The following CIAO3 variants were observed in gnomAD, a reference collection of about 807,000 sequenced individuals.
The protein encoded by CIAO3 is LET1 like/JFP15.
CIAO3 carries 45 observed loss-of-function variants against 51.5 expected under a neutral mutation model. That is an observed-to-expected ratio of 0.87 (90% CI 0.69 to 1.12). The LOEUF is 1.12. CIAO3 is among the 50% of genes most tolerant of loss of function. CIAO3 has a pLI of 0.00. For synonymous variants in CIAO3, 314 were observed against 269.3 expected (o/e 1.17, Z -1.63); for missense variants, 668 against 632.5 (o/e 1.06, Z -0.60).
intron 9 of CIAO3, 30 bp from the exon 10 acceptor site, chr16:731,030 T>TG: frequency 1.2e-6 from 2 of 1,610,182 alleles, no homozygotes; most frequent in Non-Finnish European, 1.7e-6. Flanking sequence ...TTTGTCTACA[T>TG]GGCACACCCA....
At chr16:740,755 G>A in intron 1 of CIAO3, 165 bp downstream of exon 1, 2 of 628,018 alleles carry the variant, frequency 3.2e-6, no homozygotes, top group Non-Finnish European at 5.3e-6. Context: ...GGGCCTCAGT[G>A]TCTGAGGCCC....
chr16:731,064 G>A (rs1053664584), intron 9 of CIAO3, 64 bp from the exon 10 acceptor site: 12 of 1,593,288 alleles, frequency 7.5e-6, no homozygotes, highest in Non-Finnish European at 1.0e-5. Flanking sequence ...TGCCTGGAAG[G>A]GGAGGCCTGC....
At chr16:731,128 G>T in intron 9 of CIAO3, 128 bp from the exon 10 acceptor site, 2 of 1,211,532 alleles carry the variant, frequency 1.7e-6, no homozygotes, top group Non-Finnish European at 2.3e-6. Flanking sequence ...TCTCTCCTGG[G>T]CAGAGGGAAG....
rs371339804 is a variant in CIAO3 at position 734,346 on chromosome 16, G to T, written c.576C>A (p.Gly192=). Residue 192 remains glycine, a splice_region_variant and synonymous_variant, in exon 6 of 11, where the codon GGC becomes GGA. Transcript: ENST00000251588. ...GAGTCTTCTCGGCATAGCAGATCCA[G>T]CCTGAGGTGACAGGGGGCACACGGG... ...ALPLLASACP[G]WICYAEKTHG... is the part of the protein sequence containing the mutation. 1.9e-6 allele frequency: 3 copies of T among 1,606,914 alleles called. No individual in the cohort carries two copies. The highest frequency in any genetic ancestry group is 2.5e-6 in the Non-Finnish European group (3 of 1,177,606).
At chr16:733,259 G>A in intron 7 of CIAO3, 39 bp downstream of exon 7, 2 of 1,608,732 alleles carry the variant, frequency 1.2e-6, no homozygotes, top group Non-Finnish European at 8.5e-7. Flanking sequence ...AATCAGACCA[G>A]GAGGCTTGAG....
At chr16:740,775 G>A (rs1350303596) in intron 1 of CIAO3, 145 bp downstream of exon 1, 1 of 771,894 alleles carries the variant, frequency 1.3e-6, no homozygotes. Flanking sequence ...CCGCGCCCGG[G>A]TCGATAGAGT....
intron 1 of CIAO3, 180 bp from the exon 2 acceptor site, chr16:739,918 C>T (rs900660200): frequency 3.8e-6 from 5 of 1,310,338 alleles, no homozygotes; most frequent in East Asian, 5.1e-5. Context: ...ACCCAGGGAT[C>T]GGGTTCCCAA....
intron 7 of CIAO3, chr16:732,576 G>A (rs1161117155): frequency 1.2e-5 from 8 of 677,906 alleles, no homozygotes; most frequent in Non-Finnish European, 1.9e-5. Context: ...CCAGGGAGGT[G>A]TGCCAGCGGC....
In CIAO3 at chr16:740,980, C is replaced by G. The variant is rs1235801170; in HGVS notation, c.6G>C (p.Ala2=). 4.6e-6 allele frequency: 7 copies of G among 1,508,750 alleles called. No individual in the cohort carries two copies. Among genetic ancestry groups the G allele is most frequent in the Non-Finnish European group, 6.2e-6 (7 of 1,131,724 alleles). The allele number at this position is 1,508,750 out of a possible 1,614,324, so 93.5% of individuals were successfully genotyped here. A position where few individuals can be genotyped will look rare whatever the true frequency, so the allele number is the denominator to read the frequency against. The change falls in exon 1 of 11, where the codon GCG becomes GCC. Residue 2 remains alanine, a synonymous_variant. Coordinates refer to ENST00000251588, the MANE Select transcript of CIAO3 (RefSeq NM_022493.3). The stretch of plus-strand genomic sequence containing the variant: ...GCTGCAGCGCCCCGCTGAAGGGCGA[C>G]GCCATGACGGCCGCACTGCCGCCGC... The part of the protein sequence containing the change: M[A]SPFSGALQLT...
intron 6 of CIAO3, 96 bp downstream of exon 6, chr16:734,133 G>C: frequency 9.2e-7 from 1 of 1,088,390 alleles, no homozygotes; most frequent in South Asian, 1.2e-5. Context: ...ACAGCACAGC[G>C]AGGACTCTGT....
Position 731,094 on chromosome 16 carries a change from G to A in CIAO3, c.1035-94C>T, listed in dbSNP as rs779041016. On this transcript the variant is annotated intron_variant, in intron 9 of 10. Transcript: ENST00000251588. ...GCCTGCTGGGCTTCAGGGGATGACCGGGTACCTCCCAGGGCTCTCTCCCTC... is the reference window on the plus strand; with the variant it reads ...GCCTGCTGGGCTTCAGGGGATGACCAGGTACCTCCCAGGGCTCTCTCCCTC... The A allele has an allele frequency of 4.5e-5, 67 of 1,504,460 alleles. 1 individual carries two copies. The Admixed American group carries it at 6.0e-4, about 13-fold the overall frequency. 93.2% of individuals were successfully genotyped at this position (1,504,460 alleles called of 1,614,324 possible).
intron 4 of CIAO3, 73 bp downstream of exon 4, chr16:736,193 C>A: frequency 6.3e-7 from 1 of 1,581,924 alleles, no homozygotes; most frequent in Non-Finnish European, 8.6e-7. Context: ...GACTCAGAGG[C>A]GCGAGGGGCC....
In CIAO3 at chr16:730,719, G is replaced by C. The variant is rs2041267265; in HGVS notation, c.1193-64C>G. The C allele has an allele frequency of 4.4e-5, 69 of 1,584,676 alleles. No individual in the cohort carries two copies. In the South Asian group the frequency reaches 7.5e-4, roughly 17 times the overall value. ...CCCCAGCCAAGCTTCCTGACCACCA[G>C]GGAGCAGGGAGGTGACCGGGCCCCC... is the stretch of plus-strand genomic sequence containing the variant. On this transcript the variant is annotated intron_variant, in intron 10 of 10. Transcript: ENST00000251588.
intron 9 of CIAO3, 111 bp from the exon 10 acceptor site, chr16:731,111 C>G (rs574407228): frequency 7.4e-7 from 1 of 1,344,458 alleles, no homozygotes; most frequent in African/African-American, 1.5e-5. Context: ...TCCCAGGGCT[C>G]TCTCCCTCTC....
chr16:732,358 A>C lies in CIAO3; in HGVS notation c.839T>G (p.Leu280Trp). The C allele has an allele frequency of 6.2e-7, 1 of 1,612,950 alleles. No homozygotes were observed. The highest frequency in any genetic ancestry group is 8.5e-7 in the Non-Finnish European group (1 of 1,179,886). ...GAGGGAGACGCCCTCTTCCTCCAGC[A>C]ACCTGAAAACTTCTCCTGCAAAGAA... ...CVLTTGEVFRLLEEEGVSLPD... is the reference protein window; with the variant it reads ...CVLTTGEVFRWLEEEGVSLPD... The change falls in exon 8 of 11, where the codon TTG (leucine) becomes TGG (tryptophan). Residue 280 changes from leucine to tryptophan, a missense_variant. Leu to Trp is a moderately conservative substitution (Grantham distance 61). Transcript: ENST00000251588.
Position 732,408 on chromosome 16 carries a change from G to A in CIAO3, c.824-35C>T, listed in dbSNP as rs57905982. On this transcript the variant is annotated intron_variant, in intron 7 of 10. Transcript: ENST00000251588. ...AGCCACAGCGCAGACACTCTTTAGC[G>A]GAGATCCCAGCAACAAAGTCAGAGA... The A allele has an allele frequency of 6.7e-3, 10,775 of 1,609,096 alleles. 624 individuals carry two copies. The African/African-American group carries it at 0.13, about 19-fold the overall frequency.
chr16:739,415 GC>G, intron 2 of CIAO3: 1 of 577,796 alleles, frequency 1.7e-6, no homozygotes, highest in Non-Finnish European at 3.1e-6. Flanking sequence ...TCTGCAAATA[GC>G]CCCTCTGCTG....
chr16:737,018 A>T lies in CIAO3; in HGVS notation c.306+168T>A. On this transcript the variant is annotated intron_variant, in intron 3 of 10. Coordinates refer to ENST00000251588, the MANE Select transcript of CIAO3 (RefSeq NM_022493.3). The surrounding 1 kb of genome is among the most constrained non-coding windows in gnomAD (Gnocchi z 5.3). ...CTGAAGTTTGGGGCCTGACACGTTC[A>T]CCACTGGAGCCCACTGACAAATCAC... 1 of 807,004 alleles carries T rather than the reference A, an allele frequency of 1.2e-6. No homozygotes were observed. The highest frequency in any genetic ancestry group is 2.0e-6 in the Non-Finnish European group (1 of 507,502). 50.0% of individuals were successfully genotyped at this position (807,004 alleles called of 1,614,324 possible). A position where few individuals can be genotyped will look rare whatever the true frequency, so the allele number is the denominator to read the frequency against.
intron 1 of CIAO3, 115 bp from the exon 2 acceptor site, chr16:739,853 A>C: frequency 7.9e-7 from 1 of 1,272,972 alleles, no homozygotes; most frequent in Non-Finnish European, 1.1e-6. Context: ...GCCAGGAGCC[A>C]TGCACTCAGG....
Sources: allele counts gnomAD v4.1 joint callset, GRCh38; gene constraint gnomAD v4.1.1; non-coding constraint Gnocchi (gnomAD v3.1); transcripts MANE v1.5; gene names NCBI Gene and HGNC (gene_info 2026-07-23, HGNC 2026-07-21).